The following BACH2 variants were observed in gnomAD, a reference collection of about 807,000 sequenced individuals.
BACH2 encodes transcription regulator protein BACH2.
BACH2 carries 5 observed loss-of-function variants against 61.8 expected under a neutral mutation model. The ratio of observed to expected loss-of-function variants is 0.08; its 90% CI spans 0.04 to 0.17. BACH2 has a LOEUF of 0.17. Among genes scored for constraint, BACH2 ranks in the 10% least tolerant of loss-of-function variants. The pLI is 1.00. For missense variants in BACH2, 824 were observed against 1,091.1 expected, an observed-to-expected ratio of 0.76 and a Z score of 3.45; for synonymous variants, 446 against 440.1, an observed-to-expected ratio of 1.01 and a Z score of -0.17.
intron 3 of BACH2, among the ~76,000 whole-genome samples, chr6:90,211,240 A>C (rs1408031774): frequency 8.1e-6 from 1 of 124,066 alleles, no homozygotes; most frequent in Non-Finnish European, 1.8e-5. Context: ...GGCGGCAAGC[A>C]AACAAAGACA....
chr6:89,978,633 TAAAAAAAAAAAAAAAA>T (rs753724278), intron 6 of BACH2, among the ~76,000 whole-genome samples: 1 of 86,036 alleles, frequency 1.2e-5, no homozygotes, highest in Non-Finnish European at 2.3e-5. Context: ...GTGTTGGCTT[TAAAAAAAAAAAAAAAA>T]AAAAAAAAGC....
In BACH2 at chr6:90,133,855, T is replaced by C. The variant is rs189883185; in HGVS notation, c.-161-44746A>G. Among the ~76,000 whole-genome samples the C allele has an allele frequency of 5.8e-3, 881 of 152,212 alleles. 9 individuals are homozygous for C. Among genetic ancestry groups the C allele is most frequent in the African/African-American group, 0.02 (832 of 41,526 alleles). On this transcript the variant is annotated intron_variant, in intron 4 of 8. Transcript: ENST00000257749. ...TGGTTTCCAGCTTCATTCATGTCCC[T>C]ACAAAGGACATGAACTCATCATTTT... is the stretch of plus-strand genomic sequence containing the variant.
At chr6:90,065,783 A>C (rs1002121977) in intron 5 of BACH2, among the ~76,000 whole-genome samples, 4 of 152,230 alleles carry the variant, frequency 2.6e-5, no homozygotes, top group African/African-American at 7.2e-5. Context: ...AAAACACATA[A>C]AGCATACACC....
At chr6:89,972,210 T>A (rs1413340046) in intron 6 of BACH2, among the ~76,000 whole-genome samples, 2 of 152,136 alleles carry the variant, frequency 1.3e-5, no homozygotes, top group Non-Finnish European at 2.9e-5. Context: ...CCCAGGGGCC[T>A]CACTGGAGTC....
At chr6:90,282,400 T>C (rs1036026204) in intron 1 of BACH2, among the ~76,000 whole-genome samples, 6 of 152,212 alleles carry the variant, frequency 3.9e-5, no homozygotes, top group Non-Finnish European at 8.8e-5. Flanking sequence ...AGTGAGAATG[T>C]GCAGTTTGGT....
chr6:90,101,436 A>G (rs1782622921), intron 4 of BACH2, among the ~76,000 whole-genome samples: 1 of 152,180 alleles, frequency 6.6e-6, no homozygotes, highest in South Asian at 2.1e-4. Context: ...TATAAGTCCA[A>G]GTTCATTCTT....
At chr6:90,289,440 A>G (rs140185681) in intron 1 of BACH2, among the ~76,000 whole-genome samples, 323 of 152,344 alleles carry the variant, frequency 2.1e-3, no homozygotes, top group African/African-American at 7.4e-3. Flanking sequence ...CATCAAAGAA[A>G]AAGAAAATAG....
At chr6:90,052,387 A>ATT (rs4053605) in intron 5 of BACH2, among the ~76,000 whole-genome samples, 3,693 of 151,020 alleles carry the variant, frequency 0.024, 164 homozygotes, top group African/African-American at 0.084. Context: ...CTCTATCCTG[A>ATT]TTTTTTTTTG....
At chr6:90,295,484 GAGCGCCGCCCGCCGCCGTCTCC>G (rs1045566194) in intron 1 of BACH2, among the ~76,000 whole-genome samples, 10 of 152,022 alleles carry the variant, frequency 6.6e-5, no homozygotes, top group East Asian at 2.0e-4. Flanking sequence ...GGTAGCCCGT[GAGCGCCGCCCGCCGCCGTCTCC>G]AGCGGCGCCG....
intron 3 of BACH2, among the ~76,000 whole-genome samples, chr6:90,226,568 C>T (rs1369422565): frequency 2.0e-5 from 3 of 152,086 alleles, no homozygotes; most frequent in Non-Finnish European, 2.9e-5. Flanking sequence ...CCACTGAGAA[C>T]ATTTAAAAAT....
chr6:89,933,002 C>A lies in BACH2; in HGVS notation c.2044-112G>T, dbSNP rs1216968261. The A allele has an allele frequency of 2.5e-6, 3 of 1,211,940 alleles. No individual in the cohort carries two copies. In the African/African-American group the frequency reaches 4.6e-5, roughly 18 times the overall value. The allele number at this position is 1,211,940 out of a possible 1,614,324, so 75.1% of individuals were successfully genotyped here. A position where few individuals can be genotyped will look rare whatever the true frequency, so the allele number is the denominator to read the frequency against. On this transcript the variant is annotated intron_variant, in intron 8 of 8. Transcript: ENST00000257749. ...TTGCATCCTCCATTATAATGTAACT[C>A]AAGAATGACTAGGTCAGGCTCTAGA...
intron 5 of BACH2, chr6:90,062,737 G>T: frequency 6.2e-6 from 1 of 161,788 alleles, no homozygotes. Flanking sequence ...GGCTAATCTT[G>T]CCTCTTTCCC....
Position 89,932,559 on chromosome 6 carries a change from G to A in BACH2, c.2375C>T (p.Ser792Phe), listed in dbSNP as rs1421299014. 6.2e-7 allele frequency: 1 copy of A among 1,614,142 alleles called. No individual in the cohort carries two copies. The change falls in exon 9 of 9, where the codon TCT (serine) becomes TTT (phenylalanine). Residue 792 changes from serine (S) to phenylalanine (F), a missense_variant. By Grantham distance (155) the Ser-to-Phe change is radical (BLOSUM62 -2). Coordinates refer to ENST00000257749, the MANE Select transcript of BACH2 (RefSeq NM_021813.4). ...APSNTSENCT[S>F]GRRLEGTDPG... is the part of the protein sequence containing the mutation. ...GTCAGTGCCTTCTAGTCTCCTCCCA[G>A]AGGTACAATTCTCGGAGGTGTTGCT... is the stretch of plus-strand genomic sequence containing the variant.
At position 90,021,299 on chromosome 6, in the gene BACH2, TAAAAA is replaced by T. The variant is rs200724602; in HGVS notation, c.-12-12448_-12-12444del. Among the ~76,000 whole-genome samples the T allele has an allele frequency of 2.0e-5, 2 of 100,242 alleles. 1 individual carries two copies. The highest frequency in any genetic ancestry group is 1.9e-4 in the Admixed American group (2 of 10,772). The allele number at this position is 100,242 out of a possible 152,430, so 65.8% of individuals were successfully genotyped here. ...CAGGTAAAAGTATAAAGCAAAAAAG[TAAAAA>T]AAAAAAAAAAAAACCAACAAAAAAA... On this transcript the variant is annotated intron_variant, in intron 5 of 8. Transcript: ENST00000257749.
chr6:90,186,297 T>TA (rs1473549074), intron 4 of BACH2, among the ~76,000 whole-genome samples: 1 of 152,180 alleles, frequency 6.6e-6, no homozygotes, highest in Non-Finnish European at 1.5e-5. Flanking sequence ...AAACCACTCT[T>TA]ACAACACTAG....
In BACH2 at chr6:89,930,412, C is replaced by T. The variant is rs1238595583; in HGVS notation, c.*1996G>A. The T allele has an allele frequency of 6.6e-6, 1 of 152,670 alleles. No homozygotes were observed. Among genetic ancestry groups the T allele is most frequent in the Non-Finnish European group, 1.5e-5 (1 of 68,020 alleles). 9.5% of individuals were successfully genotyped at this position (152,670 alleles called of 1,614,324 possible). On this transcript the variant is annotated 3_prime_UTR_variant, in exon 9 of 9. Coordinates refer to ENST00000257749, the MANE Select transcript of BACH2 (RefSeq NM_021813.4). ...TACTAATTTCCCCTTTTACATGCAG[C>T]TTTAATATTGTCCAAACAATGGCAC... is the stretch of plus-strand genomic sequence containing the variant.
In BACH2 at chr6:90,152,042, C is replaced by T. The variant is rs556697162; in HGVS notation, c.-162+54527G>A. On this transcript the variant is annotated intron_variant, in intron 4 of 8. Coordinates refer to ENST00000257749, the MANE Select transcript of BACH2 (RefSeq NM_021813.4). ...GCTATTAATGGCATTTTAGCAAGAA[C>T]ACCCATTATTTTCTCTGCAGCAATA... 7.7e-4 allele frequency among the ~76,000 whole-genome samples: 118 copies of T among 152,344 alleles called. 1 individual carries two copies. In the Middle Eastern group the frequency reaches 0.02, roughly 26 times the overall value.
At chr6:90,266,890 G>A (rs62408233) in intron 2 of BACH2, among the ~76,000 whole-genome samples, 37,972 of 151,966 alleles carry the variant, frequency 0.25, 5,634 homozygotes, top group Non-Finnish European at 0.34. Flanking sequence ...CACTTGAGGA[G>A]GGTTAATTCT....
intron 2 of BACH2, among the ~76,000 whole-genome samples, chr6:90,264,282 G>A (rs573388275): frequency 7.9e-5 from 12 of 152,192 alleles, no homozygotes; most frequent in African/African-American, 2.9e-4. Flanking sequence ...AAATGATGCT[G>A]AGGTCTTCAG....
Sources: allele counts gnomAD v4.1 joint callset (sites outside exome capture counted in the v4.1 genomes callset), GRCh38; gene constraint gnomAD v4.1.1; transcripts MANE v1.5; gene names NCBI Gene and HGNC (gene_info 2026-07-23, HGNC 2026-07-21).